SEPTIN9: variants seen among roughly 807,000 people sequenced by gnomAD.
SEPTIN9 encodes the protein septin 9.
Under a neutral mutation model 56.6 loss-of-function variants are expected in SEPTIN9, and 13 were observed. The ratio of observed to expected loss-of-function variants is 0.23; its 90% CI spans 0.15 to 0.37. SEPTIN9 has a LOEUF of 0.37. Among genes scored for constraint, SEPTIN9 ranks in the 10% least tolerant of loss-of-function variants. The pLI is 1.00. For synonymous variants in SEPTIN9, 332 were observed against 334.1 expected (o/e 0.99, Z 0.07); for missense variants, 650 against 823.1 (o/e 0.79, Z 2.57).
At chr17:77,485,054 GT>G (rs2039684524) in intron 4 of SEPTIN9, among the ~76,000 whole-genome samples, 1 of 65,668 alleles carries the variant, frequency 1.5e-5, no homozygotes. Context: ...GGTGGTGATT[GT>G]GGTGGTGGTA....
intron 2 of SEPTIN9, chr17:77,375,566 T>A (rs1449445945): frequency 6.6e-6 from 1 of 152,352 alleles, no homozygotes; most frequent in African/African-American, 2.4e-5. Flanking sequence ...CTTCTGCGGC[T>A]GTCTCCCAAG....
chr17:77,403,871 A>G (rs2035980302), intron 3 of SEPTIN9, among the ~76,000 whole-genome samples: 1 of 152,130 alleles, frequency 6.6e-6, no homozygotes, highest in African/African-American at 2.4e-5. Context: ...ACCGCTGTCC[A>G]TCTCCGGTAC....
chr17:77,381,261 G>A (rs1479666975), intron 2 of SEPTIN9, among the ~76,000 whole-genome samples: 2 of 152,202 alleles, frequency 1.3e-5, no homozygotes, highest in African/African-American at 4.8e-5. Context: ...CTGGCCATGG[G>A]GAATGTGGCC....
intron 3 of SEPTIN9, among the ~76,000 whole-genome samples, chr17:77,480,326 GAT>G (rs2039404152): frequency 1.3e-5 from 2 of 152,182 alleles, no homozygotes; most frequent in Non-Finnish European, 2.9e-5. Flanking sequence ...TCTCACCTCT[GAT>G]GCCTCAGGCC....
intron 2 of SEPTIN9, among the ~76,000 whole-genome samples, chr17:77,343,181 G>T (rs771765855): frequency 3.9e-5 from 6 of 152,230 alleles, no homozygotes; most frequent in Non-Finnish European, 7.3e-5. Flanking sequence ...AGGGCTGGTT[G>T]CCAGGGGACC....
At chr17:77,497,491 C>G (rs977619629) in intron 11 of SEPTIN9, 125 bp downstream of exon 11, 8 of 833,068 alleles carry the variant, frequency 9.6e-6, no homozygotes, top group Non-Finnish European at 1.4e-5. Context: ...CACCTGCCTG[C>G]CCTGCCCTCG....
In SEPTIN9 at chr17:77,498,812, T is replaced by G; in HGVS notation, c.*154T>G. 1.6e-6 allele frequency: 1 copy of G among 606,568 alleles called. No homozygotes were observed. The allele number at this position is 606,568 out of a possible 1,614,324, so 37.6% of individuals were successfully genotyped here. A position where few individuals can be genotyped will look rare whatever the true frequency, so the allele number is the denominator to read the frequency against. On this transcript the variant is annotated 3_prime_UTR_variant, in exon 12 of 12. Transcript: ENST00000427177. ...CTGCCAGGAAACAAGGGAAGGGGCC[T>G]CCCTCCGAGTGAGTCAGTGATGAGG...
At chr17:77,382,626 G>A (rs2035184467) in intron 2 of SEPTIN9, among the ~76,000 whole-genome samples, 1 of 152,270 alleles carries the variant, frequency 6.6e-6, no homozygotes, top group Admixed American at 6.5e-5. Flanking sequence ...TGGAGAGGCA[G>A]AGGGAGCTGC....
In SEPTIN9 at chr17:77,497,303, C is replaced by A; in HGVS notation, c.1574-12C>A. On this transcript the variant is annotated splice_polypyrimidine_tract_variant and intron_variant, in intron 10 of 11. Transcript: ENST00000427177. ...ACTGGGACATTAAAGCCCCTCCTGT[C>A]TCCTCTCCTAGTTGAAAACACCACA... 6.2e-7 allele frequency: 1 copy of A among 1,613,114 alleles called. No individual in the cohort carries two copies. The highest frequency in any genetic ancestry group is 8.5e-7 in the Non-Finnish European group (1 of 1,179,374).
At position 77,405,218 on chromosome 17, in the gene SEPTIN9, G is replaced by T; in HGVS notation, c.721+2515G>T. ...ACAGTTTAGCCCCTAAATTGTGCCA[G>T]AGACTGTGCCGGGAGCCAGGCCCAG... On this transcript the variant is annotated intron_variant, in intron 3 of 11. Coordinates refer to ENST00000427177, the MANE Select transcript of SEPTIN9 (RefSeq NM_001113491.2). The surrounding 1 kb of genome is among the most constrained non-coding windows in gnomAD (Gnocchi z 5.8). The T allele has an allele frequency of 7.5e-7, 1 of 1,332,848 alleles. No homozygotes were observed. The highest frequency in any genetic ancestry group is 1.3e-5 in the South Asian group (1 of 76,864). 82.6% of individuals were successfully genotyped at this position (1,332,848 alleles called of 1,614,324 possible).
chr17:77,487,508 A>T lies in SEPTIN9; in HGVS notation c.998A>T (p.Glu333Val), dbSNP rs751969314. 1.9e-6 allele frequency: 3 copies of T among 1,613,534 alleles called. No homozygotes were observed. The Admixed American group carries it at 5.0e-5, about 27-fold the overall frequency. Residue 333 changes from glutamate (E) to valine (V), a missense_variant, in exon 5 of 12, where the codon GAG (glutamate) becomes GTG (valine). This residue lies in a region of SEPTIN9 where 333 missense variants were observed against 494.0 expected (regional missense o/e 0.67). Coordinates refer to ENST00000427177, the MANE Select transcript of SEPTIN9 (RefSeq NM_001113491.2). This position sits in a 1 kb window ranked among gnomAD's most constrained non-coding sequence, Gnocchi z 4.3. ...ISRKSVQPTS[E>V]ERIPKTIEIK... Reference sequence around the variant, plus strand: ...CGGAAGTCGGTGCAGCCCACCTCAGAGGAGCGCATCCCCAAGACCATCGAG... The same window carrying T: ...CGGAAGTCGGTGCAGCCCACCTCAGTGGAGCGCATCCCCAAGACCATCGAG...
rs754768957 is a variant in SEPTIN9, at chr17:77,402,420, C to T, written c.438C>T (p.Ala146=). The change falls in exon 3 of 12, where the codon GCC becomes GCT. Residue 146 remains alanine, a synonymous_variant. Coordinates refer to ENST00000427177, the MANE Select transcript of SEPTIN9 (RefSeq NM_001113491.2). This position sits in a 1 kb window ranked among gnomAD's most constrained non-coding sequence, Gnocchi z 6.6. The part of the protein sequence containing the change: ...EVLGHKTPEP[A]PRRTEITIVK... The stretch of plus-strand genomic sequence containing the variant: ...TGGGCCACAAGACGCCAGAACCGGC[C>T]CCTCGGAGGACGGAGATCACCATCG... 7 of 1,611,022 alleles carry T rather than the reference C, an allele frequency of 4.3e-6. No individual in the cohort carries two copies. The South Asian group carries it at 6.6e-5, about 15-fold the overall frequency.
In SEPTIN9 at chr17:77,319,546, G is replaced by C. The variant is rs950197912; in HGVS notation, c.76+12349G>C. On this transcript the variant is annotated intron_variant, in intron 2 of 11. Coordinates refer to ENST00000427177, the MANE Select transcript of SEPTIN9 (RefSeq NM_001113491.2). This position sits in a 1 kb window ranked among gnomAD's most constrained non-coding sequence, Gnocchi z 5.3. ...TGTCACTGCAGACTAATGGGACGGA[G>C]GGGGGTGACTTCTCAGGGTTCCTCC... 1.9e-6 allele frequency: 2 copies of C among 1,050,728 alleles called. No individual in the cohort carries two copies. Among genetic ancestry groups the C allele is most frequent in the African/African-American group, 3.3e-5 (2 of 60,142 alleles). 65.1% of individuals were successfully genotyped at this position (1,050,728 alleles called of 1,614,324 possible).
intron 1 of SEPTIN9, among the ~76,000 whole-genome samples, chr17:77,296,972 A>T (rs2031847217): frequency 1.3e-5 from 2 of 152,230 alleles, no homozygotes; most frequent in African/African-American, 4.8e-5. Context: ...GCAGACATAG[A>T]TACATTGATT....
chr17:77,355,433 C>G (rs944144564), intron 2 of SEPTIN9, among the ~76,000 whole-genome samples: 3 of 152,220 alleles, frequency 2.0e-5, no homozygotes, highest in African/African-American at 4.8e-5. Flanking sequence ...GCTGCCAGCC[C>G]ATGGGAGGCT....
chr17:77,355,111 C>T (rs1297233582), intron 2 of SEPTIN9, among the ~76,000 whole-genome samples: 1 of 152,166 alleles, frequency 6.6e-6, no homozygotes, highest in East Asian at 1.9e-4. Flanking sequence ...GTTGTAGTTG[C>T]TCAATAAAAA....
chr17:77,388,007 G>A (rs1324197088), intron 2 of SEPTIN9, among the ~76,000 whole-genome samples: 1 of 151,802 alleles, frequency 6.6e-6, no homozygotes, highest in East Asian at 1.9e-4. Flanking sequence ...TCTCTTGTAG[G>A]CCCCTCTGGT....
At chr17:77,390,201 G>A (rs957665773) in intron 2 of SEPTIN9, among the ~76,000 whole-genome samples, 3 of 151,742 alleles carry the variant, frequency 2.0e-5, no homozygotes, top group Non-Finnish European at 4.4e-5. Context: ...AAGCTGCTAC[G>A]TGGCTGTCCC....
intron 3 of SEPTIN9, among the ~76,000 whole-genome samples, chr17:77,463,460 A>G (rs2038573235): frequency 6.6e-6 from 1 of 152,122 alleles, no homozygotes; most frequent in Non-Finnish European, 1.5e-5. Flanking sequence ...TTATTTTCAC[A>G]TCACTCTAGT....
Sources: gnomAD v4.1 joint callset for allele counts (sites outside exome capture counted in the v4.1 genomes callset) on GRCh38, gnomAD v4.1.1 for gene constraint, gnomAD v4.1.1 regional missense constraint, Gnocchi (gnomAD v3.1) non-coding constraint, MANE v1.5 for transcripts, NCBI Gene and HGNC (gene_info 2026-07-23, HGNC 2026-07-21) for gene names.